Variants in TRPM3 observed in about 807,000 individuals in gnomAD.
TRPM3 encodes transient receptor potential cation channel subfamily M member 3.
In TRPM3, 77 loss-of-function variants were observed where a neutral mutation model predicts 181.2. The ratio of observed to expected loss-of-function variants is 0.42; its 90% CI spans 0.35 to 0.51. The LOEUF is 0.51. TRPM3 is among the 20% of genes least tolerant of loss of function. TRPM3 has a pLI of 0.01. For missense variants in TRPM3, 1,759 were observed against 2,196.7 expected, an observed-to-expected ratio of 0.80 and a Z score of 3.98; for synonymous variants, 745 against 796.4, an observed-to-expected ratio of 0.94 and a Z score of 1.09.
chr9:70,737,563 TC>T (rs1336759791), intron 8 of TRPM3, among the ~76,000 whole-genome samples: 3 of 109,526 alleles, frequency 2.7e-5, no homozygotes, highest in Non-Finnish European at 5.6e-5. Flanking sequence ...GTCTAAATGC[TC>T]CAATTAAAAG....
chr9:70,746,662 C>T (rs1291792027), intron 8 of TRPM3, among the ~76,000 whole-genome samples: 2 of 152,048 alleles, frequency 1.3e-5, no homozygotes, highest in Non-Finnish European at 2.9e-5. Flanking sequence ...TCAAAATCTT[C>T]TGGTATAACT....
chr9:70,895,847 G>A (rs1408834838), intron 1 of TRPM3, among the ~76,000 whole-genome samples: 1 of 152,056 alleles, frequency 6.6e-6, no homozygotes, highest in African/African-American at 2.4e-5. Context: ...GAACACACCT[G>A]GAAGAAATAG....
chr9:71,029,313 C>G (rs2056990439), intron 1 of TRPM3, among the ~76,000 whole-genome samples: 1 of 151,870 alleles, frequency 6.6e-6, no homozygotes, highest in South Asian at 2.1e-4. Flanking sequence ...GTAATAAGAC[C>G]AAAGTACTCA....
chr9:71,339,521 C>CAT (rs33989011), intron 1 of TRPM3, among the ~76,000 whole-genome samples: 145,612 of 152,096 alleles, frequency 0.96, 69,788 homozygotes, highest in Non-Finnish European at 0.98. Context: ...GACTCAATAA[C>CAT]ATAGAAATTT....
In TRPM3 at chr9:71,132,251, G is replaced by T. The variant is rs1359139291; in HGVS notation, c.184-267740C>A. 3.9e-5 allele frequency among the ~76,000 whole-genome samples: 6 copies of T among 152,172 alleles called. No homozygotes were observed. The East Asian group carries it at 1.2e-3, about 29-fold the overall frequency. On this transcript the variant is annotated intron_variant, in intron 1 of 24. Coordinates refer to the TRPM3 transcript ENST00000357533. ...AATATAGGTGACTTCCCCAAGATCT[G>T]AGTCTCGATCTCTTGTTCTTTGCCT... is the stretch of plus-strand genomic sequence containing the variant.
intron 1 of TRPM3, among the ~76,000 whole-genome samples, chr9:71,005,729 G>A (rs2097666522): frequency 6.6e-6 from 1 of 152,094 alleles, no homozygotes; most frequent in African/African-American, 2.4e-5. Context: ...AACAAAAGCT[G>A]GGGGTTTAAT....
intron 8 of TRPM3, among the ~76,000 whole-genome samples, chr9:70,757,746 A>C (rs1003040317): frequency 1.3e-5 from 2 of 152,240 alleles, no homozygotes; most frequent in Non-Finnish European, 2.9e-5. Context: ...TTATCTCAAT[A>C]GATGCAGAAA....
chr9:71,119,315 T>C (rs1045649640), intron 1 of TRPM3, among the ~76,000 whole-genome samples: 1 of 152,166 alleles, frequency 6.6e-6, no homozygotes, highest in Non-Finnish European at 1.5e-5. Flanking sequence ...CAATAAATTA[T>C]TACAAAGCAT....
chr9:71,251,384 A>G (rs1389275899), intron 1 of TRPM3, among the ~76,000 whole-genome samples: 1 of 152,158 alleles, frequency 6.6e-6, no homozygotes, highest in Non-Finnish European at 1.5e-5. Flanking sequence ...TCTTCTCTAC[A>G]AGACTAAATG....
chr9:70,846,230 T>A (rs952830507), intron 4 of TRPM3, 148 bp downstream of exon 4: 1 of 704,074 alleles, frequency 1.4e-6, no homozygotes, highest in Non-Finnish European at 2.5e-6. Context: ...CTCATTTAGA[T>A]AAAGGAGGGA....
intron 1 of TRPM3, among the ~76,000 whole-genome samples, chr9:71,325,924 C>G (rs2225209): frequency 0.99 from 150,383 of 152,324 alleles, 74,266 homozygotes; most frequent in East Asian, 1. Flanking sequence ...TTACAAATTT[C>G]TGGGAAGCTT....
chr9:71,178,270 C>T (rs1015116643), intron 1 of TRPM3, among the ~76,000 whole-genome samples: 1 of 151,852 alleles, frequency 6.6e-6, no homozygotes, highest in Non-Finnish European at 1.5e-5. Flanking sequence ...TTACAGAAAG[C>T]GGGTGCATAA....
intron 1 of TRPM3, among the ~76,000 whole-genome samples, chr9:71,052,319 G>C (rs763257861): frequency 1.3e-5 from 2 of 152,162 alleles, no homozygotes; most frequent in Non-Finnish European, 2.9e-5. Context: ...GAGTCTGGAA[G>C]ACAGCTGTAT....
chr9:70,919,615 C>T (rs2096634672), intron 1 of TRPM3, among the ~76,000 whole-genome samples: 1 of 152,026 alleles, frequency 6.6e-6, no homozygotes, highest in African/African-American at 2.4e-5. Flanking sequence ...GAAACCCTGT[C>T]TCTATTAAAA....
Position 70,625,580 on chromosome 9 carries a change from A to T in TRPM3, c.1633-63T>A. 5.2e-6 allele frequency: 8 copies of T among 1,533,140 alleles called. No homozygotes were observed. Among genetic ancestry groups the T allele is most frequent in the Non-Finnish European group, 6.3e-6 (7 of 1,119,462 alleles). 95.0% of individuals were successfully genotyped at this position (1,533,140 alleles called of 1,614,324 possible). A position where few individuals can be genotyped will look rare whatever the true frequency, so the allele number is the denominator to read the frequency against. On this transcript the variant is annotated intron_variant, in intron 12 of 25. Transcript: ENST00000677713. The surrounding 1 kb of genome is among the most constrained non-coding windows in gnomAD (Gnocchi z 4.8). The stretch of plus-strand genomic sequence containing the variant: ...TAATCGTCGGCAATAATAGAAAATC[A>T]AAATATTTATTCAAGTCTTCAGCTG...
intron 22 of TRPM3, among the ~76,000 whole-genome samples, chr9:70,567,472 C>T (rs1178769025): frequency 6.6e-6 from 1 of 152,252 alleles, no homozygotes; most frequent in Non-Finnish European, 1.5e-5. Context: ...CCAACACATA[C>T]ACTCTCCAGA....
chr9:70,626,212 A>AT (rs1328862942), intron 12 of TRPM3, among the ~76,000 whole-genome samples: 1 of 152,080 alleles, frequency 6.6e-6, no homozygotes, highest in Non-Finnish European at 1.5e-5. Context: ...TCTTAAGAAA[A>AT]TTTTTGCTGT....
intron 6 of TRPM3, among the ~76,000 whole-genome samples, chr9:70,822,549 T>A (rs559273774): frequency 1.3e-5 from 2 of 150,566 alleles, no homozygotes; most frequent in African/African-American, 4.9e-5. Flanking sequence ...GGGGAGGGGG[T>A]AATGTGTAAT....
At chr9:70,791,854 C>A (rs907442392) in intron 6 of TRPM3, among the ~76,000 whole-genome samples, 3 of 152,144 alleles carry the variant, frequency 2.0e-5, no homozygotes, top group African/African-American at 7.2e-5. Flanking sequence ...CTAAACAAAT[C>A]TATTTTGTGC....
Sources: gnomAD v4.1 joint callset for allele counts (sites outside exome capture counted in the v4.1 genomes callset) on GRCh38, gnomAD v4.1.1 for gene constraint, Gnocchi (gnomAD v3.1) non-coding constraint, MANE v1.5 for transcripts, NCBI Gene and HGNC (gene_info 2026-07-23, HGNC 2026-07-21) for gene names.